Variants in RASSF3 observed in about 807,000 individuals in gnomAD.
The protein encoded by RASSF3 is Ras association domain family member 3.
A neutral mutation model predicts 19.9 loss-of-function variants in RASSF3; 19 were observed. The observed-to-expected ratio is 0.96, with a 90% CI of 0.67 to 1.40. The LOEUF (loss-of-function observed/expected upper bound fraction) is 1.40. RASSF3 is among the 40% of genes most tolerant of loss of function. The pLI is 0.00. For synonymous variants in RASSF3, 110 were observed against 104.2 expected (o/e 1.06, Z -0.34); for missense variants, 306 against 289.8 (o/e 1.06, Z -0.41).
At chr12:64,536,141 G>A (rs938563809) in intron 1 of RASSF3, among the ~76,000 whole-genome samples, 8 of 151,892 alleles carry the variant, frequency 5.3e-5, no homozygotes, top group Non-Finnish European at 1.0e-4. Context: ...TGGGACTATA[G>A]GCACCCACCA....
chr12:64,601,853 C>T (rs151263706), intron 2 of RASSF3, among the ~76,000 whole-genome samples: 1,777 of 151,966 alleles, frequency 0.012, 16 homozygotes, highest in Non-Finnish European at 0.017. Context: ...TGCAGTGGAT[C>T]ATGCCTGTAA....
intron 1 of RASSF3, among the ~76,000 whole-genome samples, chr12:64,510,525 A>C (rs573552678): frequency 6.6e-6 from 1 of 152,284 alleles, no homozygotes; most frequent in Admixed American, 6.5e-5. Flanking sequence ...GAAAACATAA[A>C]TGGCCTCAGG....
chr12:64,590,646 T>C (rs181979964), intron 2 of RASSF3, among the ~76,000 whole-genome samples: 1 of 152,340 alleles, frequency 6.6e-6, no homozygotes, highest in East Asian at 1.9e-4. Context: ...ATATGAATTC[T>C]AATCTCATCT....
At chr12:64,611,952 CT>C (rs1161854676) in intron 1 of RASSF3, among the ~76,000 whole-genome samples, 1 of 152,166 alleles carries the variant, frequency 6.6e-6, no homozygotes, top group African/African-American at 2.4e-5. Flanking sequence ...GTCAAGTGCC[CT>C]TATTCAGTAA....
At chr12:64,605,737 A>G (rs765143463), upstream of RASSF3, among the ~76,000 whole-genome samples, 11 of 152,076 alleles carry the variant, frequency 7.2e-5, no homozygotes, top group Non-Finnish European at 1.5e-4. Context: ...TAAAAATACA[A>G]AATTAGCCAG....
At chr12:64,645,371 AT>A (rs1181617678) in intron 1 of RASSF3, among the ~76,000 whole-genome samples, 1 of 151,978 alleles carries the variant, frequency 6.6e-6, no homozygotes, top group Non-Finnish European at 1.5e-5. Flanking sequence ...CTTAAGAAAT[AT>A]TTTCACTTTG....
At chr12:64,541,164 T>C (rs1868927334) in intron 1 of RASSF3, among the ~76,000 whole-genome samples, 2 of 151,884 alleles carry the variant, frequency 1.3e-5, no homozygotes, top group African/African-American at 2.4e-5. Flanking sequence ...TTTTGTATTT[T>C]TAACAGAGAT....
intron 1 of RASSF3, among the ~76,000 whole-genome samples, chr12:64,527,962 T>A (rs1194010064): frequency 2.1e-5 from 3 of 145,490 alleles, no homozygotes; most frequent in Non-Finnish European, 3.0e-5. Context: ...ATTTAAATTT[T>A]AAAAAATTGA....
intron 1 of RASSF3, among the ~76,000 whole-genome samples, chr12:64,668,274 T>C (rs12296734): frequency 1.0e-4 from 9 of 87,828 alleles, no homozygotes; most frequent in Non-Finnish European, 1.5e-4. Context: ...TCTTCTTCTT[T>C]TTTTTTTTTT....
intron 1 of RASSF3, among the ~76,000 whole-genome samples, chr12:64,527,470 A>G (rs1254594163): frequency 6.6e-6 from 1 of 152,226 alleles, no homozygotes; most frequent in Non-Finnish European, 1.5e-5. Flanking sequence ...TTCCTGCCCA[A>G]TCCAGTGTTT....
intron 1 of RASSF3, among the ~76,000 whole-genome samples, chr12:64,617,968 C>T (rs1018534703): frequency 3.3e-5 from 5 of 152,194 alleles, no homozygotes; most frequent in African/African-American, 7.2e-5. Flanking sequence ...CCAACAGAAA[C>T]GTAATCATCT....
intron 1 of RASSF3, among the ~76,000 whole-genome samples, chr12:64,621,522 G>A (rs1870763574): frequency 6.6e-6 from 1 of 152,116 alleles, no homozygotes; most frequent in Non-Finnish European, 1.5e-5. Flanking sequence ...ATGTTGCCCA[G>A]GCTGGAGAGC....
chr12:64,692,388 G>A (rs1868298806), intron 4 of RASSF3, among the ~76,000 whole-genome samples: 1 of 152,198 alleles, frequency 6.6e-6, no homozygotes, highest in African/African-American at 2.4e-5. Context: ...TTAGCCCTCA[G>A]TTTTAAAATC....
intron 1 of RASSF3, among the ~76,000 whole-genome samples, chr12:64,639,185 G>A (rs1177623844): frequency 2.0e-5 from 3 of 152,092 alleles, no homozygotes; most frequent in African/African-American, 7.2e-5. Context: ...TTGCATACTT[G>A]TGGTTTAGGG....
intron 1 of RASSF3, among the ~76,000 whole-genome samples, chr12:64,656,696 C>T (rs1019438378): frequency 1.7e-4 from 26 of 152,110 alleles, no homozygotes; most frequent in African/African-American, 5.8e-4. Context: ...AGGCTGAAGC[C>T]CCATCAGGCA....
At chr12:64,624,049 G>C (rs1263120614) in intron 1 of RASSF3, among the ~76,000 whole-genome samples, 1 of 151,934 alleles carries the variant, frequency 6.6e-6, no homozygotes, top group East Asian at 1.9e-4. Flanking sequence ...CCATGCAGGG[G>C]TTTGATCCTT....
chr12:64,661,538 G>T (rs181835223), intron 1 of RASSF3, among the ~76,000 whole-genome samples: 41 of 152,130 alleles, frequency 2.7e-4, no homozygotes, highest in African/African-American at 9.4e-4. Context: ...ACACAACCCT[G>T]TTTGTTCCTT....
chr12:64,540,552 A>G (rs1430145495), intron 1 of RASSF3, among the ~76,000 whole-genome samples: 1 of 152,234 alleles, frequency 6.6e-6, no homozygotes, highest in Non-Finnish European at 1.5e-5. Flanking sequence ...ATGGCCATCA[A>G]CAGATAAAAG....
At chr12:64,528,504 G>A (rs1469777160), upstream of RASSF3, among the ~76,000 whole-genome samples, 2 of 152,118 alleles carry the variant, frequency 1.3e-5, no homozygotes, top group Non-Finnish European at 2.9e-5. Flanking sequence ...CTAGGCCAGG[G>A]CTCTTTATTC....
Sources: gnomAD v4.1 joint callset for allele counts (sites outside exome capture counted in the v4.1 genomes callset) on GRCh38, gnomAD v4.1.1 for gene constraint, MANE v1.5 for transcripts, NCBI Gene and HGNC (gene_info 2026-07-23, HGNC 2026-07-21) for gene names.